Variants in EHMT1 observed in about 807,000 individuals in gnomAD.
EHMT1 encodes the protein euchromatic histone lysine methyltransferase 1.
EHMT1 carries 15 observed loss-of-function variants against 147.2 expected under a neutral mutation model. The observed-to-expected ratio is 0.10, with a 90% CI of 0.07 to 0.16. The LOEUF (loss-of-function observed/expected upper bound fraction) is 0.16. EHMT1 is among the 10% of genes least tolerant of loss of function. The pLI is 1.00. For synonymous variants in EHMT1, 795 were observed against 709.6 expected (o/e 1.12, Z -1.91); for missense variants, 1,587 against 1,772.4 (o/e 0.90, Z 1.88).
intron 23 of EHMT1, 143 bp from the exon 24 acceptor site, chr9:137,817,296 G>A: frequency 1.1e-6 from 1 of 888,846 alleles, no homozygotes; most frequent in South Asian, 1.4e-5. Context: ...GTGTCTGTGA[G>A]GTGCCTGCAG....
rs769231936 is a variant in EHMT1, at chr9:137,732,933, T to G, written c.823+4404T>G. 6.6e-6 allele frequency among the ~76,000 whole-genome samples: 1 copy of G among 152,208 alleles called. No homozygotes were observed. Among genetic ancestry groups the G allele is most frequent in the East Asian group, 1.9e-4 (1 of 5,198 alleles). ...GATGATCACAGATGGTTCTGCTCTT[T>G]CCCTCCTGCTACCCCCTTAAGTTTA... On this transcript the variant is annotated intron_variant, in intron 4 of 26. Coordinates refer to ENST00000460843, the MANE Select transcript of EHMT1 (RefSeq NM_024757.5). The surrounding 1 kb of genome is among the most constrained non-coding windows in gnomAD (Gnocchi z 4.6).
chr9:137,649,795 G>T (rs887795908), intron 1 of EHMT1, among the ~76,000 whole-genome samples: 7 of 152,164 alleles, frequency 4.6e-5, no homozygotes, highest in African/African-American at 9.7e-5. Flanking sequence ...ACCACGCCCT[G>T]CCAGCAGCCG....
chr9:137,742,076 G>A (rs908112166), intron 4 of EHMT1, among the ~76,000 whole-genome samples: 36 of 152,322 alleles, frequency 2.4e-4, no homozygotes, highest in African/African-American at 8.2e-4. Flanking sequence ...TGTTGGCTGT[G>A]TGCTCCGAGC....
chr9:137,705,283 A>G (rs1331672252), intron 1 of EHMT1, among the ~76,000 whole-genome samples: 2 of 152,162 alleles, frequency 1.3e-5, no homozygotes, highest in Non-Finnish European at 2.9e-5. Context: ...ATGAGCCACT[A>G]CACCGGCCTG....
At position 137,743,376 on chromosome 9, in the gene EHMT1, T is replaced by C. The variant is rs1294829299; in HGVS notation, c.829T>C (p.Leu277=). The part of the protein sequence containing the change: ...MATTKSQTAC[L]PFVLAAAVSR... ...ACTTTTTTTTTTTTTTTTAGCTTGCTTGCCTTTTGTTTTAGCAGCTGCAGT... is the reference window on the plus strand; with the variant it reads ...ACTTTTTTTTTTTTTTTTAGCTTGCCTGCCTTTTGTTTTAGCAGCTGCAGT... The change falls in exon 5 of 27, where the codon TTG becomes CTG. Residue 277 remains leucine (L), a synonymous_variant. Transcript: ENST00000460843. 5.6e-6 allele frequency: 9 copies of C among 1,601,776 alleles called. No homozygotes were observed. In the East Asian group the frequency reaches 2.0e-4, roughly 36 times the overall value.
At chr9:137,636,466 T>C (rs1447046038) in intron 1 of EHMT1, among the ~76,000 whole-genome samples, 2 of 152,224 alleles carry the variant, frequency 1.3e-5, no homozygotes, top group African/African-American at 2.4e-5. Context: ...CATTCCCATC[T>C]TCATTCCTGT....
In EHMT1 at chr9:137,684,754, G is replaced by A. The variant is rs558992092; in HGVS notation, c.22-26213G>A. Among the ~76,000 whole-genome samples, 4 of 152,238 alleles carry A rather than the reference G, an allele frequency of 2.6e-5. No homozygotes were observed. In the East Asian group the frequency reaches 7.7e-4, roughly 29 times the overall value. The stretch of plus-strand genomic sequence containing the variant: ...GCGATCTCCACCTCAGCCTCCCAAC[G>A]TGCTGGGATTGTAGGCATGAGCCAC... On this transcript the variant is annotated intron_variant, in intron 1 of 26. Coordinates refer to ENST00000460843, the MANE Select transcript of EHMT1 (RefSeq NM_024757.5).
chr9:137,737,113 G>T (rs1418927829), intron 4 of EHMT1, among the ~76,000 whole-genome samples: 1 of 152,140 alleles, frequency 6.6e-6, no homozygotes, highest in African/African-American at 2.4e-5. Context: ...CCCAGAGGCT[G>T]AGGTGGGAGG....
intron 1 of EHMT1, among the ~76,000 whole-genome samples, chr9:137,623,888 T>C (rs1228044340): frequency 6.6e-6 from 1 of 152,106 alleles, no homozygotes; most frequent in Non-Finnish European, 1.5e-5. Context: ...TCAATGATAG[T>C]TCTCTGCAGC....
rs1332813883 is a variant in EHMT1 at position 137,752,318 on chromosome 9, T to C, written c.1171-13T>C. The C allele has an allele frequency of 1.2e-6, 2 of 1,614,048 alleles. No individual in the cohort carries two copies. The highest frequency in any genetic ancestry group is 1.7e-5 in the Admixed American group (1 of 60,004). ...TCTGTTTGGGTTCCCGCTTCGACTG[T>C]GTGGCTGATCAGATGGACGGGGAGT... On this transcript the variant is annotated splice_polypyrimidine_tract_variant and intron_variant, in intron 6 of 26. Coordinates refer to ENST00000460843, the MANE Select transcript of EHMT1 (RefSeq NM_024757.5).
At chr9:137,784,557 T>G in intron 15 of EHMT1, 1 of 479,816 alleles carries the variant, frequency 2.1e-6, no homozygotes, top group South Asian at 8.6e-5. Context: ...TTGCCATTTC[T>G]CTTCTCTCTG....
chr9:137,672,164 C>G (rs1940744978), intron 1 of EHMT1, among the ~76,000 whole-genome samples: 1 of 152,234 alleles, frequency 6.6e-6, no homozygotes, highest in Non-Finnish European at 1.5e-5. Context: ...GCATCTGGCT[C>G]TGCTGACTGG....
At chr9:137,725,063 G>A (rs1246357013) in intron 3 of EHMT1, among the ~76,000 whole-genome samples, 1 of 148,350 alleles carries the variant, frequency 6.7e-6, no homozygotes, top group Non-Finnish European at 1.5e-5. Flanking sequence ...CAGGCGTGTG[G>A]CATTTGTGTG....
intron 1 of EHMT1, among the ~76,000 whole-genome samples, chr9:137,621,451 G>A (rs1842935846): frequency 6.6e-6 from 1 of 152,106 alleles, no homozygotes; most frequent in African/African-American, 2.4e-5. Context: ...AATCCTAGCA[G>A]TTTAGGAAGC....
chr9:137,679,143 G>C (rs1941691575), intron 1 of EHMT1, among the ~76,000 whole-genome samples: 2 of 152,206 alleles, frequency 1.3e-5, no homozygotes, highest in Admixed American at 1.3e-4. Context: ...TAGAGACGGG[G>C]TTTCACCATG....
chr9:137,719,344 T>C (rs908845789), intron 3 of EHMT1, among the ~76,000 whole-genome samples: 17 of 152,150 alleles, frequency 1.1e-4, no homozygotes, highest in African/African-American at 3.9e-4. Context: ...GTGGGCACAC[T>C]GTGGGGCTGG....
intron 23 of EHMT1, chr9:137,816,455 T>TC (rs1954927225): frequency 2.9e-6 from 1 of 341,102 alleles, no homozygotes; most frequent in Admixed American, 4.1e-5. Context: ...TGGGCTTCCC[T>TC]AACAGTGAGG....
At chr9:137,763,279 C>T (rs1432652666) in intron 10 of EHMT1, 4 of 279,530 alleles carry the variant, frequency 1.4e-5, no homozygotes, top group Admixed American at 4.7e-5. Flanking sequence ...CAGCACGTCC[C>T]GTCTCTGCTG....
chr9:137,642,194 G>A (rs960082370), intron 1 of EHMT1, among the ~76,000 whole-genome samples: 8 of 152,180 alleles, frequency 5.3e-5, no homozygotes, highest in African/African-American at 1.9e-4. Flanking sequence ...GACAGGTAAT[G>A]CGTTTCATCT....
Sources: allele counts gnomAD v4.1 joint callset (sites outside exome capture counted in the v4.1 genomes callset), GRCh38; gene constraint gnomAD v4.1.1; non-coding constraint Gnocchi (gnomAD v3.1); transcripts MANE v1.5; gene names NCBI Gene and HGNC (gene_info 2026-07-23, HGNC 2026-07-21).